Variants in ARL13B observed in about 807,000 individuals in gnomAD.
The protein encoded by ARL13B is ADP-ribosylation factor-like protein 13B.
In ARL13B, 36 loss-of-function variants were observed where a neutral mutation model predicts 56.1. That is an observed-to-expected ratio of 0.64 (90% CI 0.49 to 0.85). The LOEUF (loss-of-function observed/expected upper bound fraction) is 0.85. ARL13B is among the 40% of genes least tolerant of loss of function. The probability of loss-of-function intolerance (pLI) is 0.00; values close to 1 mark genes in which losing one functional copy is unlikely to be tolerated. For missense variants in ARL13B, 519 were observed against 507.1 expected (o/e 1.02, Z -0.23); for synonymous variants, 178 against 171.1 (o/e 1.04, Z -0.32).
intron 3 of ARL13B, among the ~76,000 whole-genome samples, chr3:94,018,069 A>C (rs1217895458): frequency 1.3e-5 from 2 of 152,190 alleles, no homozygotes; most frequent in Non-Finnish European, 2.9e-5. Flanking sequence ...TAATTTAAAA[A>C]AATTTTAAAC....
Position 93,980,726 on chromosome 3 carries a change from A to AGTGTGT in ARL13B, c.59+274_59+279dup, listed in dbSNP as rs35756044. On this transcript the variant is annotated intron_variant, in intron 1 of 9. Coordinates refer to ENST00000394222, the MANE Select transcript of ARL13B (RefSeq NM_001174150.2). ...TTAAATAGGTTTGAATTTGTTAAAA[A>AGTGTGT]GTGTGTGTGTGTGTGTGTGTGTGTG... Among the ~76,000 whole-genome samples, 428 of 147,062 alleles carry AGTGTGT rather than the reference A, an allele frequency of 2.9e-3. 2 individuals are homozygous for AGTGTGT. Among genetic ancestry groups the AGTGTGT allele is most frequent in the East Asian group, 0.012 (60 of 4,978 alleles).
rs754564518 is a variant in ARL13B, at chr3:94,039,902, G to C, written c.712G>C (p.Ala238Pro). The change falls in exon 6 of 10, where the codon GCT becomes CCT. Residue 238 changes from alanine to proline, a missense_variant. Coordinates refer to ENST00000394222, the MANE Select transcript of ARL13B (RefSeq NM_001174150.2). ...TAGAAAACAAAATGAACAGGAGCAG[G>C]CTGAACTCGATGGAACCAGTGGTCT... ...EERKQNEQEQ[A>P]ELDGTSGLAE... The C allele has an allele frequency of 6.2e-6, 10 of 1,613,924 alleles. No individual in the cohort carries two copies. The African/African-American group carries it at 1.3e-4, about 22-fold the overall frequency.
At chr3:94,043,372 C>CCTTGAGAAAAT in intron 7 of ARL13B, 132 bp downstream of exon 7, 1 of 831,170 alleles carries the variant, frequency 1.2e-6, no homozygotes, top group Non-Finnish European at 1.9e-6. Context: ...GCCATATTTA[C>CCTTGAGAAAAT]CATGATTTTC....
intron 2 of ARL13B, among the ~76,000 whole-genome samples, chr3:94,002,462 G>A (rs955836106): frequency 6.6e-6 from 1 of 152,264 alleles, no homozygotes; most frequent in African/African-American, 2.4e-5. Context: ...AAAAAGCCTC[G>A]TGTGGCTTGT....
At chr3:94,009,122 T>TAGATAGATA (rs779549562) in intron 3 of ARL13B, among the ~76,000 whole-genome samples, 12 of 151,192 alleles carry the variant, frequency 7.9e-5, no homozygotes, top group African/African-American at 2.4e-4. Flanking sequence ...GATAGATAGA[T>TAGATAGATA]ATTCTTGACC....
chr3:94,028,601 T>A (rs2076604908), intron 3 of ARL13B: 2 of 152,218 alleles, frequency 1.3e-5, no homozygotes, highest in South Asian at 4.1e-4. Context: ...ATAGATTGCT[T>A]ACTTCACACC....
At chr3:93,981,698 A>G (rs756979127) in intron 1 of ARL13B, among the ~76,000 whole-genome samples, 6 of 151,922 alleles carry the variant, frequency 3.9e-5, no homozygotes, top group Non-Finnish European at 8.8e-5. Flanking sequence ...CCTGGTCAAT[A>G]TGGCGAAACC....
At chr3:94,051,355 C>T (rs2077064865) in intron 9 of ARL13B, among the ~76,000 whole-genome samples, 1 of 152,030 alleles carries the variant, frequency 6.6e-6, no homozygotes, top group South Asian at 2.1e-4. Flanking sequence ...AAGATCAACA[C>T]AGTTTATAAA....
At chr3:94,018,104 T>G (rs569182414) in intron 3 of ARL13B, among the ~76,000 whole-genome samples, 1 of 152,292 alleles carries the variant, frequency 6.6e-6, no homozygotes, top group Admixed American at 6.5e-5. Flanking sequence ...CCCTATGTTG[T>G]CCAGGCCGGT....
Position 94,053,352 on chromosome 3 carries a change from T to A in ARL13B, c.*89T>A. ...GAAGAAGAAACATCTTGTAAATTGA[T>A]GACTGGGGCAAGATAACCATAATAA... On this transcript the variant is annotated 3_prime_UTR_variant, in exon 10 of 10. Coordinates refer to ENST00000394222, the MANE Select transcript of ARL13B (RefSeq NM_001174150.2). The A allele has an allele frequency of 8.6e-7, 1 of 1,163,454 alleles. No homozygotes were observed. Among genetic ancestry groups the A allele is most frequent in the Non-Finnish European group, 1.3e-6 (1 of 781,142 alleles). The allele number at this position is 1,163,454 out of a possible 1,614,324, so 72.1% of individuals were successfully genotyped here. A position where few individuals can be genotyped will look rare whatever the true frequency, so the allele number is the denominator to read the frequency against.
intron 6 of ARL13B, among the ~76,000 whole-genome samples, chr3:94,040,471 C>T (rs1345765451): frequency 6.6e-6 from 1 of 152,060 alleles, no homozygotes; most frequent in Non-Finnish European, 1.5e-5. Flanking sequence ...TCATTTATTT[C>T]CATTTTAAAT....
chr3:94,006,131 C>G (rs1351406669), intron 3 of ARL13B, among the ~76,000 whole-genome samples: 1 of 152,038 alleles, frequency 6.6e-6, no homozygotes, highest in African/African-American at 2.4e-5. Flanking sequence ...GAAACTCTGT[C>G]TCTACTAAAA....
At chr3:94,041,178 A>C (rs1388838695) in intron 6 of ARL13B, among the ~76,000 whole-genome samples, 2 of 150,832 alleles carry the variant, frequency 1.3e-5, no homozygotes, top group Admixed American at 6.6e-5. Context: ...TTTTTTTATT[A>C]TTACTGCAGA....
Position 94,014,675 on chromosome 3 carries a change from GT to G in ARL13B, c.380+10768del, listed in dbSNP as rs2076290525. ...GCTTTAGTGATATTGATTTCTGTAA[GT>G]AAGCTTTCATTAAAAACTTCCCATT... is the stretch of plus-strand genomic sequence containing the variant. On this transcript the variant is annotated intron_variant, in intron 3 of 9. Transcript: ENST00000394222. 3.1e-6 allele frequency: 5 copies of G among 1,613,446 alleles called. No homozygotes were observed. In the East Asian group the frequency reaches 1.1e-4, roughly 36 times the overall value.
intron 3 of ARL13B, among the ~76,000 whole-genome samples, chr3:94,032,983 A>G (rs1292568427): frequency 1.3e-5 from 2 of 152,244 alleles, no homozygotes; most frequent in African/African-American, 4.8e-5. Context: ...TCAATGGATG[A>G]TGAAAGAAAA....
Position 93,999,994 on chromosome 3 carries a change from G to A in ARL13B, c.131-3665G>A, listed in dbSNP as rs2076027028. On this transcript the variant is annotated intron_variant, in intron 2 of 9. Transcript: ENST00000394222. ...TTGAAGGTAGTTCACTACAAAATGTGCATTTCAGCTAGAAGGAAGAGGTAA... is the reference window on the plus strand; with the variant it reads ...TTGAAGGTAGTTCACTACAAAATGTACATTTCAGCTAGAAGGAAGAGGTAA... Among the ~76,000 whole-genome samples, 4 of 152,148 alleles carry A rather than the reference G, an allele frequency of 2.6e-5. No individual in the cohort carries two copies. In the South Asian group the frequency reaches 6.2e-4, roughly 24 times the overall value.
Position 93,980,340 on chromosome 3 carries a change from G to T in ARL13B, c.-84G>T. The T allele has an allele frequency of 1.9e-6, 3 of 1,557,662 alleles. No homozygotes were observed. Among genetic ancestry groups the T allele is most frequent in the Non-Finnish European group, 2.6e-6 (3 of 1,139,266 alleles). ...ACTTATCCACTTTAGGGGCGTCTCG[G>T]AGTGCCGGAGGCCCCCGGGGAAGAG... On this transcript the variant is annotated 5_prime_UTR_variant, in exon 1 of 10. Coordinates refer to ENST00000394222, the MANE Select transcript of ARL13B (RefSeq NM_001174150.2).
intron 1 of ARL13B, among the ~76,000 whole-genome samples, chr3:93,992,479 T>C (rs1182774566): frequency 6.6e-6 from 1 of 152,176 alleles, no homozygotes; most frequent in Non-Finnish European, 1.5e-5. Context: ...CATGTTACTG[T>C]AATTACCTCT....
At position 94,039,796 on chromosome 3, in the gene ARL13B, T is replaced by A. The variant is rs1247395788; in HGVS notation, c.690-84T>A. On this transcript the variant is annotated intron_variant, in intron 5 of 9. Coordinates refer to ENST00000394222, the MANE Select transcript of ARL13B (RefSeq NM_001174150.2). ...CAGATGTTTAAATTACTACATGTAA[T>A]AGCCTTATACCTATTGCAGTTTTCT... The A allele has an allele frequency of 3.6e-6, 4 of 1,120,970 alleles. No homozygotes were observed. The Admixed American group carries it at 8.1e-5, about 23-fold the overall frequency. The allele number at this position is 1,120,970 out of a possible 1,614,324, so 69.4% of individuals were successfully genotyped here. A position where few individuals can be genotyped will look rare whatever the true frequency, so the allele number is the denominator to read the frequency against.
Sources: gnomAD v4.1 joint callset for allele counts (sites outside exome capture counted in the v4.1 genomes callset) on GRCh38, gnomAD v4.1.1 for gene constraint, MANE v1.5 for transcripts, NCBI Gene and HGNC (gene_info 2026-07-23, HGNC 2026-07-21) for gene names.